Variants in PRIM2 observed in about 807,000 individuals in gnomAD.
PRIM2 encodes the protein DNA primase large subunit.
A neutral mutation model predicts 67.3 loss-of-function variants in PRIM2; 39 were observed. The observed-to-expected ratio is 0.58, with a 90% CI of 0.45 to 0.76. The LOEUF is 0.76. Among genes scored for constraint, PRIM2 ranks in the 30% least tolerant of loss-of-function variants. The pLI is 0.00. For missense variants in PRIM2, 398 were observed against 598.7 expected (o/e 0.66, Z 3.50); for synonymous variants, 143 against 198.7 (o/e 0.72, Z 2.36).
intron 3 of PRIM2, among the ~76,000 whole-genome samples, chr6:57,321,309 T>G (rs780448944): frequency 7.2e-5 from 11 of 152,120 alleles, no homozygotes; most frequent in Non-Finnish European, 1.2e-4. Flanking sequence ...GAAGCAAGTC[T>G]TGGAAGACGT....
intron 10 of PRIM2, among the ~76,000 whole-genome samples, chr6:57,562,806 C>G (rs1775663842): frequency 6.6e-6 from 1 of 152,192 alleles, no homozygotes; most frequent in Non-Finnish European, 1.5e-5. Context: ...TACCGATGCT[C>G]TCAGCAAATT....
At chr6:57,536,788 A>G (rs1490290925) in intron 9 of PRIM2, among the ~76,000 whole-genome samples, 1 of 152,240 alleles carries the variant, frequency 6.6e-6, no homozygotes, top group African/African-American at 2.4e-5. Flanking sequence ...ATAGAGATGG[A>G]GAACCAGATC....
intron 5 of PRIM2, among the ~76,000 whole-genome samples, chr6:57,329,426 C>T (rs1198933064): frequency 6.6e-6 from 1 of 152,132 alleles, no homozygotes; most frequent in Non-Finnish European, 1.5e-5. Flanking sequence ...TGTCTTGGCA[C>T]ACTTGTCAAG....
At chr6:57,381,819 T>C (rs1769967785) in intron 6 of PRIM2, among the ~76,000 whole-genome samples, 1 of 152,216 alleles carries the variant, frequency 6.6e-6, no homozygotes, top group East Asian at 1.9e-4. Flanking sequence ...GTTACTATTT[T>C]TCAAAACATC....
At chr6:57,258,325 T>A in the PRIM2 span, among the ~76,000 whole-genome samples, 2 of 152,086 alleles carry the variant, frequency 1.3e-5, no homozygotes, top group African/African-American at 4.8e-5. Flanking sequence ...ATGTGGGATA[T>A]GTGTAGTCTC....
At chr6:57,381,598 G>A (rs1044312271) in intron 6 of PRIM2, among the ~76,000 whole-genome samples, 22 of 152,134 alleles carry the variant, frequency 1.4e-4, no homozygotes, top group Middle Eastern at 3.2e-3. Context: ...CATACATGAA[G>A]AAATTGGAAT....
the PRIM2 span, among the ~76,000 whole-genome samples, chr6:57,264,809 G>A: frequency 6.6e-6 from 1 of 151,984 alleles, no homozygotes; most frequent in Admixed American, 6.6e-5. Context: ...TCTTGGCCAA[G>A]ATGGTTCCAA....
At chr6:57,354,271 G>C (rs536809754) in intron 5 of PRIM2, among the ~76,000 whole-genome samples, 8 of 152,180 alleles carry the variant, frequency 5.3e-5, no homozygotes, top group Non-Finnish European at 1.2e-4. Flanking sequence ...AATGCGATTT[G>C]AATCTAGTTT....
At chr6:57,385,240 C>CTTG (rs1770100887) in intron 7 of PRIM2, among the ~76,000 whole-genome samples, 1 of 152,078 alleles carries the variant, frequency 6.6e-6, no homozygotes, top group African/African-American at 2.4e-5. Flanking sequence ...AGCTTTCTAC[C>CTTG]TTGTTGTTAA....
the PRIM2 span, among the ~76,000 whole-genome samples, chr6:57,267,115 G>C: frequency 3.9e-5 from 6 of 152,210 alleles, no homozygotes; most frequent in African/African-American, 1.4e-4. Flanking sequence ...CACATGCAAA[G>C]TGAAGCACAG....
At chr6:57,590,792 C>T (rs1287664003) in intron 10 of PRIM2, among the ~76,000 whole-genome samples, 1 of 152,180 alleles carries the variant, frequency 6.6e-6, no homozygotes, top group African/African-American at 2.4e-5. Context: ...TCAAGGAGAG[C>T]ATTTTATCAC....
the PRIM2 span, among the ~76,000 whole-genome samples, chr6:57,235,821 G>C: frequency 6.6e-6 from 1 of 152,136 alleles, no homozygotes; most frequent in African/African-American, 2.4e-5. Context: ...TCAGAAAGAG[G>C]GGTGGAGAAG....
chr6:57,255,474 G>T, the PRIM2 span, among the ~76,000 whole-genome samples: 2 of 150,616 alleles, frequency 1.3e-5, no homozygotes, highest in Non-Finnish European at 3.0e-5. Context: ...CTCCAGCCTG[G>T]GCAACAGAGC....
chr6:57,374,379 C>T (rs1459102211), intron 5 of PRIM2, among the ~76,000 whole-genome samples: 21 of 149,766 alleles, frequency 1.4e-4, no homozygotes, highest in African/African-American at 3.7e-4. Flanking sequence ...CTGCAAGCTC[C>T]GCCTCCCGGG....
intron 8 of PRIM2, among the ~76,000 whole-genome samples, chr6:57,515,245 T>C (rs1195299021): frequency 1.3e-5 from 2 of 152,230 alleles, no homozygotes; most frequent in Admixed American, 6.5e-5. Flanking sequence ...TTATCAGATA[T>C]GTATAGCTTT....
chr6:57,276,042 A>G, the PRIM2 span, among the ~76,000 whole-genome samples: 6 of 152,216 alleles, frequency 3.9e-5, no homozygotes, highest in African/African-American at 1.4e-4. Context: ...CTGAACAAAG[A>G]AAGAAAATAA....
chr6:57,473,843 C>T (rs1581940104), intron 7 of PRIM2, among the ~76,000 whole-genome samples: 1 of 152,132 alleles, frequency 6.6e-6, no homozygotes, highest in African/African-American at 2.4e-5. Flanking sequence ...CTTTGCTAAA[C>T]TTGAATAACT....
intron 5 of PRIM2, among the ~76,000 whole-genome samples, chr6:57,371,126 T>TG (rs1769542595): frequency 7.4e-6 from 1 of 134,322 alleles, no homozygotes; most frequent in Non-Finnish European, 1.6e-5. Flanking sequence ...TCTTGAGGTT[T>TG]GTTTTTTTTT....
chr6:57,398,981 T>C (rs1770616111), intron 7 of PRIM2, among the ~76,000 whole-genome samples: 1 of 152,082 alleles, frequency 6.6e-6, no homozygotes, highest in Non-Finnish European at 1.5e-5. Context: ...CCTGTTTTTT[T>C]CTGATTTCCA....
Sources: gnomAD v4.1 joint callset for allele counts (sites outside exome capture counted in the v4.1 genomes callset) on GRCh38, gnomAD v4.1.1 for gene constraint, MANE v1.5 for transcripts, NCBI Gene and HGNC (gene_info 2026-07-23, HGNC 2026-07-21) for gene names.